The following TMEM26 variants were observed in gnomAD, a reference collection of about 807,000 sequenced individuals.
TMEM26 encodes the protein transmembrane protein 26.
TMEM26 carries 38 observed loss-of-function variants against 28.8 expected under a neutral mutation model. The observed-to-expected ratio is 1.32, with a 90% CI of 1.02 to 1.73. The LOEUF (loss-of-function observed/expected upper bound fraction) is 1.73. Ranked by LOEUF, TMEM26 falls within the 40% of genes most tolerant of loss-of-function variation. The pLI is 0.00. For missense variants in TMEM26, 518 were observed against 447.1 expected, an observed-to-expected ratio of 1.16 and a Z score of -1.43; for synonymous variants, 227 against 182.9, an observed-to-expected ratio of 1.24 and a Z score of -1.95.
intron 4 of TMEM26, chr10:61,416,187 TCA>T (rs1171712344): frequency 4.8e-6 from 2 of 419,622 alleles, no homozygotes; most frequent in African/African-American, 4.2e-5. Flanking sequence ...AAGAAATTTT[TCA>T]CAAGATCTTT....
intron 1 of TMEM26, among the ~76,000 whole-genome samples, chr10:61,441,448 G>A (rs1431247751): frequency 2.0e-5 from 3 of 152,162 alleles, no homozygotes; most frequent in Middle Eastern, 3.2e-3. Flanking sequence ...TCTTGATCAT[G>A]TGTTGTCTGT....
intron 1 of TMEM26, among the ~76,000 whole-genome samples, chr10:61,438,161 T>G (rs1840038521): frequency 6.6e-6 from 1 of 151,956 alleles, no homozygotes. Context: ...ATATAGATAC[T>G]CCCCCACCTT....
rs902846756 is a variant in TMEM26 at position 61,406,688 on chromosome 10, C to G, written c.*3634G>C. 4 of 151,996 alleles carry G rather than the reference C, an allele frequency of 2.6e-5. No individual in the cohort carries two copies. The South Asian group carries it at 6.2e-4, about 24-fold the overall frequency. 9.4% of individuals were successfully genotyped at this position (151,996 alleles called of 1,614,324 possible). On this transcript the variant is annotated 3_prime_UTR_variant, in exon 6 of 6. Transcript: ENST00000399298. ...TAATGCATATAATAAAATACAAAGG[C>G]CACTCATAGCAAAATAGTATAAATA...
Position 61,452,989 on chromosome 10 carries a change from C to T in TMEM26, c.93G>A (p.Lys31=), listed in dbSNP as rs759941615. 6.2e-7 allele frequency: 1 copy of T among 1,613,952 alleles called. No individual in the cohort carries two copies. Among genetic ancestry groups the T allele is most frequent in the Admixed American group, 1.7e-5 (1 of 60,012 alleles). Residue 31 remains lysine (K), a synonymous_variant, in exon 1 of 6, where the codon AAG becomes AAA. Coordinates refer to ENST00000399298, the MANE Select transcript of TMEM26 (RefSeq NM_178505.8). ...LVGVWRVTEV[K]KEPRYWLLAL... is the part of the protein sequence containing the mutation. ...CAAGCAGCCAGTACCGCGGCTCCTT[C>T]TTCACCTCGGTCACTCGCCAGACCC... is the stretch of plus-strand genomic sequence containing the variant.
intron 4 of TMEM26, among the ~76,000 whole-genome samples, chr10:61,421,679 G>A (rs555226536): frequency 1.2e-4 from 18 of 152,216 alleles, no homozygotes; most frequent in East Asian, 9.7e-4. Context: ...GCCACCACCA[G>A]AAACTAGGAG....
chr10:61,423,825 C>A (rs1915433), intron 4 of TMEM26, among the ~76,000 whole-genome samples: 70,873 of 151,992 alleles, frequency 0.47, 18,232 homozygotes, highest in African/African-American at 0.69. Context: ...TTAGTGTAAT[C>A]TATTGTTTTA....
chr10:61,437,895 T>C (rs1840034186), intron 1 of TMEM26, among the ~76,000 whole-genome samples: 1 of 152,202 alleles, frequency 6.6e-6, no homozygotes, highest in Admixed American at 6.5e-5. Context: ...TAAAATGCTT[T>C]TAATACGCAG....
In TMEM26 at chr10:61,410,255, A is replaced by G; in HGVS notation, c.*67T>C. 2 of 1,479,108 alleles carry G rather than the reference A, an allele frequency of 1.4e-6. No homozygotes were observed. The highest frequency in any genetic ancestry group is 9.1e-7 in the Non-Finnish European group (1 of 1,100,526). 91.6% of individuals were successfully genotyped at this position (1,479,108 alleles called of 1,614,324 possible). On this transcript the variant is annotated 3_prime_UTR_variant, in exon 6 of 6. Coordinates refer to ENST00000399298, the MANE Select transcript of TMEM26 (RefSeq NM_178505.8). The stretch of plus-strand genomic sequence containing the variant: ...ATTATACGCCAAGGTTGGAGGAGAA[A>G]AAGGATCCTCCCTGTAAGAAGAACC...
chr10:61,412,435 A>G (rs868216823), intron 5 of TMEM26, among the ~76,000 whole-genome samples: 2 of 152,180 alleles, frequency 1.3e-5, no homozygotes, highest in Non-Finnish European at 2.9e-5. Context: ...ACCAAAAAAG[A>G]TGGAGAAAAA....
intron 4 of TMEM26, among the ~76,000 whole-genome samples, chr10:61,417,506 A>C (rs1839673327): frequency 6.6e-6 from 1 of 151,886 alleles, no homozygotes; most frequent in Non-Finnish European, 1.5e-5. Flanking sequence ...AGAAAAGGAA[A>C]AAATAATAGA....
chr10:61,437,210 C>A (rs979371807), intron 1 of TMEM26, among the ~76,000 whole-genome samples: 2 of 152,050 alleles, frequency 1.3e-5, no homozygotes, highest in Non-Finnish European at 2.9e-5. Flanking sequence ...GGATTGGGAC[C>A]CTACCTTTAA....
chr10:61,449,385 T>C (rs1339971722), intron 1 of TMEM26, among the ~76,000 whole-genome samples: 2 of 152,162 alleles, frequency 1.3e-5, no homozygotes, highest in Non-Finnish European at 2.9e-5. Flanking sequence ...GAGTTACTAG[T>C]GTTGATGTAA....
At chr10:61,451,178 C>A (rs2135342692) in intron 1 of TMEM26, among the ~76,000 whole-genome samples, 1 of 152,270 alleles carries the variant, frequency 6.6e-6, no homozygotes, top group South Asian at 2.1e-4. Flanking sequence ...TTTATCCCAA[C>A]CATTTTTCCT....
intron 4 of TMEM26, among the ~76,000 whole-genome samples, 160 bp downstream of exon 4, chr10:61,428,766 G>A (rs1407477286): frequency 6.6e-6 from 1 of 152,024 alleles, no homozygotes; most frequent in Non-Finnish European, 1.5e-5. Flanking sequence ...GACTGTGCTC[G>A]TTTCTAATAC....
rs765638444 is a variant in TMEM26 at position 61,436,210 on chromosome 10, A to T, written c.230T>A (p.Val77Asp). Residue 77 changes from valine (V) to aspartate (D), a missense_variant, in exon 2 of 6, where the codon GTT becomes GAT. Transcript: ENST00000399298. ...CAATTCAAGAAGCCATAATGATGGA[A>T]CGATGCTAATCAGATATAAAAATAT... ...PAIFLYLISIVPSLWLLELHH... is the reference protein window; with the variant it reads ...PAIFLYLISIDPSLWLLELHH... 5.6e-6 allele frequency: 9 copies of T among 1,610,652 alleles called. No homozygotes were observed. The highest frequency in any genetic ancestry group is 7.6e-6 in the Non-Finnish European group (9 of 1,178,140).
At chr10:61,446,817 C>CA (rs34030340) in intron 1 of TMEM26, among the ~76,000 whole-genome samples, 864 of 33,966 alleles carry the variant, frequency 0.025, 39 homozygotes, top group Non-Finnish European at 0.033. Context: ...GACTCCATCT[C>CA]AAAAAAAAAA....
At chr10:61,427,775 G>A (rs1369473633) in intron 4 of TMEM26, among the ~76,000 whole-genome samples, 1 of 151,944 alleles carries the variant, frequency 6.6e-6, no homozygotes, top group Non-Finnish European at 1.5e-5. Context: ...TCTTTCTATT[G>A]TGATGTCCCT....
At chr10:61,445,625 T>C (rs999689543) in intron 1 of TMEM26, among the ~76,000 whole-genome samples, 4 of 152,188 alleles carry the variant, frequency 2.6e-5, no homozygotes, top group Non-Finnish European at 1.5e-5. Context: ...TCTTAATATA[T>C]TTTCAATATG....
At chr10:61,425,984 A>C (rs1589032422) in intron 4 of TMEM26, among the ~76,000 whole-genome samples, 1 of 152,292 alleles carries the variant, frequency 6.6e-6, no homozygotes, top group East Asian at 1.9e-4. Flanking sequence ...AAAGTCTGTC[A>C]GTGAATCCTC....
Sources: gnomAD v4.1 joint callset for allele counts (sites outside exome capture counted in the v4.1 genomes callset) on GRCh38, gnomAD v4.1.1 for gene constraint, MANE v1.5 for transcripts, NCBI Gene and HGNC (gene_info 2026-07-23, HGNC 2026-07-21) for gene names.